LMBR1: variants seen among roughly 807,000 people sequenced by gnomAD.
LMBR1 encodes limb development membrane protein 1.
LMBR1 carries 52 observed loss-of-function variants against 73.9 expected under a neutral mutation model. The ratio of observed to expected loss-of-function variants is 0.70; its 90% CI spans 0.56 to 0.89. LMBR1 has a LOEUF of 0.89. Among genes scored for constraint, LMBR1 ranks in the 40% least tolerant of loss-of-function variants. The pLI is 0.00. For synonymous variants in LMBR1, 215 were observed against 209.4 expected, an observed-to-expected ratio of 1.03 and a Z score of -0.23; for missense variants, 539 against 579.8, an observed-to-expected ratio of 0.93 and a Z score of 0.72.
intron 5 of LMBR1, among the ~76,000 whole-genome samples, chr7:156,777,913 C>A (rs1310855343): frequency 6.6e-6 from 1 of 152,142 alleles, no homozygotes; most frequent in Non-Finnish European, 1.5e-5. Context: ...CCATACCCTA[C>A]CCCCACCATA....
chr7:156,738,912 C>A (rs541568304), intron 9 of LMBR1, among the ~76,000 whole-genome samples: 1 of 152,120 alleles, frequency 6.6e-6, no homozygotes, highest in Non-Finnish European at 1.5e-5. Flanking sequence ...GTGGTGGCTA[C>A]ACTGAAAGAC....
At position 156,707,207 on chromosome 7, in the gene LMBR1, C is replaced by T. The variant is rs115111219; in HGVS notation, c.1225+16905G>A. Among the ~76,000 whole-genome samples, 405 of 152,188 alleles carry T rather than the reference C, an allele frequency of 2.7e-3. 2 individuals are homozygous for T. The highest frequency in any genetic ancestry group is 9.3e-3 in the African/African-American group (388 of 41,510). ...ACCGGGAAGAAATAAAAAACCCGAG[C>T]AGGCCAATGATGAGTAGCAAGATTG... is the stretch of plus-strand genomic sequence containing the variant. On this transcript the variant is annotated intron_variant, in intron 15 of 16. Transcript: ENST00000353442.
At chr7:156,818,952 C>T (rs930725531) in intron 4 of LMBR1, among the ~76,000 whole-genome samples, 2 of 152,150 alleles carry the variant, frequency 1.3e-5, no homozygotes, top group Non-Finnish European at 2.9e-5. Flanking sequence ...ATGTCATGGA[C>T]CCACACTGTG....
At chr7:156,672,999 G>A (rs181407905), downstream of LMBR1, among the ~76,000 whole-genome samples, 1 of 152,340 alleles carries the variant, frequency 6.6e-6, no homozygotes, top group African/African-American at 2.4e-5. Context: ...GCAGGCCCGG[G>A]GCAAAGCCTG....
At chr7:156,863,445 A>C (rs1031730586) in intron 1 of LMBR1, among the ~76,000 whole-genome samples, 2 of 152,094 alleles carry the variant, frequency 1.3e-5, no homozygotes, top group Non-Finnish European at 2.9e-5. Flanking sequence ...CCACTGACTC[A>C]AATGTTAATC....
intron 1 of LMBR1, among the ~76,000 whole-genome samples, chr7:156,887,742 G>A (rs1407813490): frequency 6.6e-6 from 1 of 152,132 alleles, no homozygotes; most frequent in Non-Finnish European, 1.5e-5. Flanking sequence ...CCTACAGAAT[G>A]GGCGAGAAGT....
rs909754564 is a variant in LMBR1, at chr7:156,669,949, G to C, written n.867-662C>G. Among the ~76,000 whole-genome samples the C allele has an allele frequency of 6.6e-6, 1 of 152,180 alleles. No homozygotes were observed. The highest frequency in any genetic ancestry group is 2.4e-5 in the African/African-American group (1 of 41,452). On this transcript the variant is annotated intron_variant and non_coding_transcript_variant, in intron 4 of 4. Coordinates refer to the LMBR1 transcript ENST00000430825. This position sits in a 1 kb window ranked among gnomAD's most constrained non-coding sequence, Gnocchi z 4.2. ...AACACAGATCCCTGTTTAAAAGAAAGAAAACATGGGAAAGTGCCATCCAAG... is the reference window on the plus strand; with the variant it reads ...AACACAGATCCCTGTTTAAAAGAAACAAAACATGGGAAAGTGCCATCCAAG...
chr7:156,673,875 C>T (rs1803153959), downstream of LMBR1, among the ~76,000 whole-genome samples: 1 of 150,468 alleles, frequency 6.6e-6, no homozygotes, highest in Non-Finnish European at 1.5e-5. Flanking sequence ...TTTAAATACA[C>T]ACTACGTTCT....
chr7:156,676,833 A>G, downstream of LMBR1: 1 of 584,712 alleles, frequency 1.7e-6, no homozygotes, highest in South Asian at 2.2e-5. Flanking sequence ...CCTAATTTTA[A>G]TCTTTGGTCT....
intron 15 of LMBR1, among the ~76,000 whole-genome samples, chr7:156,717,873 T>C (rs1297201013): frequency 6.6e-6 from 1 of 152,176 alleles, no homozygotes; most frequent in South Asian, 2.1e-4. Context: ...AACACATGTA[T>C]ACATATGCAC....
At chr7:156,761,834 G>A (rs969309004) in intron 8 of LMBR1, among the ~76,000 whole-genome samples, 10 of 151,990 alleles carry the variant, frequency 6.6e-5, no homozygotes, top group South Asian at 2.1e-4. Context: ...AAAATTAGCC[G>A]GGCAAGGTGG....
At chr7:156,825,348 A>G (rs1373920329) in intron 4 of LMBR1, among the ~76,000 whole-genome samples, 1 of 152,214 alleles carries the variant, frequency 6.6e-6, no homozygotes, top group East Asian at 1.9e-4. Flanking sequence ...AGTAACACAA[A>G]TCAACACTAA....
intron 14 of LMBR1, 30 bp from the exon 15 acceptor site, chr7:156,724,208 G>A (rs980872830): frequency 2.0e-6 from 3 of 1,528,756 alleles, no homozygotes; most frequent in Admixed American, 3.4e-5. Context: ...AGAATATTGG[G>A]CAGTTAAACA....
At position 156,762,202 on chromosome 7, in the gene LMBR1, C is replaced by A. The variant is rs756003423; in HGVS notation, c.620-4G>T. The A allele has an allele frequency of 1.3e-6, 2 of 1,598,304 alleles. No individual in the cohort carries two copies. Among genetic ancestry groups the A allele is most frequent in the Non-Finnish European group, 1.7e-6 (2 of 1,167,506 alleles). ...GAAAGGCCAACTGGTGTACACACTG[C>A]AGAAATAAGATCACCAAAAGACAGA... On this transcript the variant is annotated splice_polypyrimidine_tract_variant and splice_region_variant and intron_variant, in intron 7 of 16. Transcript: ENST00000353442.
At chr7:156,705,598 T>A (rs1563174554) in intron 15 of LMBR1, among the ~76,000 whole-genome samples, 1 of 152,170 alleles carries the variant, frequency 6.6e-6, no homozygotes, top group African/African-American at 2.4e-5. Context: ...GAATTCTATT[T>A]TCAGAAAAAT....
At chr7:156,797,087 T>G (rs1469578014) in intron 4 of LMBR1, among the ~76,000 whole-genome samples, 1 of 152,148 alleles carries the variant, frequency 6.6e-6, no homozygotes, top group East Asian at 1.9e-4. Context: ...AGCATCCAAG[T>G]GGCAGAGCTG....
intron 3 of LMBR1, 44 bp from the exon 4 acceptor site, chr7:156,826,788 A>T: frequency 6.5e-7 from 1 of 1,543,894 alleles, no homozygotes; most frequent in Non-Finnish European, 8.8e-7. Flanking sequence ...CTGAAAAAGC[A>T]ATGAACACGA....
intron 5 of LMBR1, among the ~76,000 whole-genome samples, chr7:156,785,365 A>G (rs528022009): frequency 1.0e-3 from 156 of 152,302 alleles, no homozygotes; most frequent in African/African-American, 3.6e-3. Flanking sequence ...TAGAATATTA[A>G]CGAAAATGCA....
intron 1 of LMBR1, 84 bp downstream of exon 1, chr7:156,892,844 T>A (rs1342074835): frequency 3.1e-6 from 3 of 977,916 alleles, no homozygotes; most frequent in South Asian, 2.3e-5. Context: ...AGGTGAGGGG[T>A]CCGGGGACCG....
Sources: gnomAD v4.1 joint callset for allele counts (sites outside exome capture counted in the v4.1 genomes callset) on GRCh38, gnomAD v4.1.1 for gene constraint, Gnocchi (gnomAD v3.1) non-coding constraint, MANE v1.5 for transcripts, NCBI Gene and HGNC (gene_info 2026-07-23, HGNC 2026-07-21) for gene names.